MTA3: variants seen among roughly 807,000 people sequenced by gnomAD.
MTA3 encodes metastasis-associated protein MTA3.
Under a neutral mutation model 83.5 loss-of-function variants are expected in MTA3, and 34 were observed. The ratio of observed to expected loss-of-function variants is 0.41; its 90% CI spans 0.31 to 0.54. MTA3 has a LOEUF of 0.54. Ranked by LOEUF, MTA3 falls within the 20% of genes least tolerant of loss-of-function variation. The pLI, the probability that MTA3 is intolerant of heterozygous loss-of-function variation, is 0.33. For synonymous variants in MTA3, 303 were observed against 252.7 expected, an observed-to-expected ratio of 1.20 and a Z score of -1.89; for missense variants, 761 against 726.4, an observed-to-expected ratio of 1.05 and a Z score of -0.55.
chr2:42,580,390 G>A (rs542083102), intron 3 of MTA3, among the ~76,000 whole-genome samples: 34 of 150,354 alleles, frequency 2.3e-4, no homozygotes, highest in African/African-American at 8.1e-4. Context: ...TATTTATTTT[G>A]AGATTGAGTC....
In MTA3 at chr2:42,568,737, C is replaced by T; in HGVS notation, c.-9C>T. On this transcript the variant is annotated 5_prime_UTR_variant, in exon 1 of 17. Transcript: ENST00000405094. ...GCTCGGCTCGGGCTCCGCGGGCGGG[C>T]GGGCGGACATGGCGGCCAACATGTA... 8 of 1,216,172 alleles carry T rather than the reference C, an allele frequency of 6.6e-6. No homozygotes were observed. The highest frequency in any genetic ancestry group is 1.6e-5 in the African/African-American group (1 of 63,508). 75.3% of individuals were successfully genotyped at this position (1,216,172 alleles called of 1,614,324 possible). A position where few individuals can be genotyped will look rare whatever the true frequency, so the allele number is the denominator to read the frequency against.
intron 3 of MTA3, among the ~76,000 whole-genome samples, chr2:42,590,917 T>C (rs1317478144): frequency 6.6e-6 from 1 of 152,184 alleles, no homozygotes; most frequent in Non-Finnish European, 1.5e-5. Context: ...GACTGTGTGT[T>C]ATTCCACACT....
At chr2:42,711,814 G>A (rs1666646600) in intron 14 of MTA3, among the ~76,000 whole-genome samples, 1 of 151,804 alleles carries the variant, frequency 6.6e-6, no homozygotes, top group African/African-American at 2.4e-5. Flanking sequence ...GTGTGTGTGT[G>A]TTTTCCAGTA....
At chr2:42,719,524 A>G (rs1667259043) in intron 15 of MTA3, among the ~76,000 whole-genome samples, 2 of 152,162 alleles carry the variant, frequency 1.3e-5, no homozygotes, top group Non-Finnish European at 2.9e-5. Context: ...AAATAATTAT[A>G]GGTTTTAATT....
intron 16 of MTA3, among the ~76,000 whole-genome samples, chr2:42,748,106 G>T (rs1669577778): frequency 1.3e-5 from 2 of 152,010 alleles, no homozygotes; most frequent in African/African-American, 4.8e-5. Context: ...TCAGCTCTCT[G>T]CAACCTCTGC....
chr2:42,741,665 T>C (rs1204635224), intron 16 of MTA3, among the ~76,000 whole-genome samples: 1 of 151,990 alleles, frequency 6.6e-6, no homozygotes, highest in African/African-American at 2.4e-5. Flanking sequence ...ACACATAGCA[T>C]TTTTTTTATT....
At chr2:42,748,809 G>C (rs1485571627) in intron 16 of MTA3, among the ~76,000 whole-genome samples, 1 of 152,188 alleles carries the variant, frequency 6.6e-6, no homozygotes, top group Non-Finnish European at 1.5e-5. Flanking sequence ...TCAGGATTCT[G>C]TTATTTTCCT....
intron 3 of MTA3, among the ~76,000 whole-genome samples, chr2:42,580,355 A>G (rs966142404): frequency 1.3e-5 from 2 of 151,072 alleles, no homozygotes; most frequent in Admixed American, 6.6e-5. Flanking sequence ...TTATTTAATT[A>G]ATTTTATTTA....
intron 2 of MTA3, among the ~76,000 whole-genome samples, chr2:42,558,535 G>A (rs1558435010): frequency 1.3e-5 from 2 of 148,974 alleles, no homozygotes; most frequent in Admixed American, 1.3e-4. Flanking sequence ...CAGGCATGAG[G>A]CACCACACCC....
At chr2:42,512,061 A>T (rs1572901530) in intron 2 of MTA3, among the ~76,000 whole-genome samples, 1 of 151,272 alleles carries the variant, frequency 6.6e-6, no homozygotes, top group South Asian at 2.1e-4. Context: ...AAATAATTAT[A>T]ATAATATTTT....
At position 42,607,092 on chromosome 2, in the gene MTA3, AGGG is replaced by A. The variant is rs1161448592; in HGVS notation, c.191-2364_191-2362del. Among the ~76,000 whole-genome samples, 189 of 125,732 alleles carry A rather than the reference AGGG, an allele frequency of 1.5e-3. 1 individual carries two copies. The highest frequency in any genetic ancestry group is 5.5e-3 in the African/African-American group (177 of 32,422). 82.5% of individuals were successfully genotyped at this position (125,732 alleles called of 152,430 possible). On this transcript the variant is annotated intron_variant, in intron 3 of 16. Coordinates refer to ENST00000405094, the MANE Select transcript of MTA3 (RefSeq NM_001330442.2). The stretch of plus-strand genomic sequence containing the variant: ...TAGGGGTAGGGGTAGGGGTAGGGGT[AGGG>A]GTAGAGGTAGAGGTAGAGGTAGGTA...
Position 42,754,284 on chromosome 2 carries a change from C to A in MTA3, c.*885C>A. The A allele has an allele frequency of 1.0e-6, 1 of 985,464 alleles. No individual in the cohort carries two copies. Among genetic ancestry groups the A allele is most frequent in the East Asian group, 1.1e-4 (1 of 8,822 alleles). The allele number at this position is 985,464 out of a possible 1,614,324, so 61.0% of individuals were successfully genotyped here. ...CAGCAGGTCACAAATGACCTAGTTT[C>A]ATTTTAAGCAGACAGACTCTGTTTG... On this transcript the variant is annotated 3_prime_UTR_variant, in exon 17 of 17. Coordinates refer to ENST00000405094, the MANE Select transcript of MTA3 (RefSeq NM_001330442.2).
chr2:42,754,409 T>C lies in MTA3; in HGVS notation c.*1010T>C, dbSNP rs1483421497. On this transcript the variant is annotated 3_prime_UTR_variant, in exon 17 of 17. Transcript: ENST00000405094. ...TCCAGCCCAACATCTTGTGAGCACATGTGACCTAGGCCCCGGGGGACCTGC... is the reference window on the plus strand; with the variant it reads ...TCCAGCCCAACATCTTGTGAGCACACGTGACCTAGGCCCCGGGGGACCTGC... The C allele has an allele frequency of 1.0e-6, 1 of 985,312 alleles. No homozygotes were observed. Among genetic ancestry groups the C allele is most frequent in the African/African-American group, 1.7e-5 (1 of 57,212 alleles). 61.0% of individuals were successfully genotyped at this position (985,312 alleles called of 1,614,324 possible).
intron 8 of MTA3, among the ~76,000 whole-genome samples, chr2:42,678,001 C>A (rs1265561736): frequency 2.0e-5 from 3 of 152,128 alleles, no homozygotes; most frequent in Non-Finnish European, 4.4e-5. Flanking sequence ...ATTGTATGTA[C>A]AATGGAGTTG....
At chr2:42,632,093 T>TG (rs1296680888) in intron 4 of MTA3, among the ~76,000 whole-genome samples, 1 of 147,414 alleles carries the variant, frequency 6.8e-6, no homozygotes, top group African/African-American at 2.5e-5. Context: ...GCTGCTGGGT[T>TG]TTTTTTTTTT....
chr2:42,525,763 T>G (rs1675679855), intron 2 of MTA3, among the ~76,000 whole-genome samples: 1 of 151,598 alleles, frequency 6.6e-6, no homozygotes, highest in African/African-American at 2.4e-5. Flanking sequence ...GCTCAAATGA[T>G]CCTCCCACCT....
chr2:42,701,156 A>G (rs986192121), intron 11 of MTA3, among the ~76,000 whole-genome samples: 1 of 151,756 alleles, frequency 6.6e-6, no homozygotes, highest in African/African-American at 2.4e-5. Flanking sequence ...CTATTTTATA[A>G]CCAGGCATGG....
chr2:42,623,093 T>G (rs1685737453), intron 4 of MTA3, among the ~76,000 whole-genome samples: 1 of 152,118 alleles, frequency 6.6e-6, no homozygotes, highest in South Asian at 2.1e-4. Flanking sequence ...AGTTGGGTGG[T>G]ATATGGTGGG....
At chr2:42,645,704 A>G (rs1477130503) in intron 6 of MTA3, among the ~76,000 whole-genome samples, 1 of 152,130 alleles carries the variant, frequency 6.6e-6, no homozygotes, top group Non-Finnish European at 1.5e-5. Flanking sequence ...GAAGACTGAG[A>G]GGTGAGGAAG....
Sources: allele counts gnomAD v4.1 joint callset (sites outside exome capture counted in the v4.1 genomes callset), GRCh38; gene constraint gnomAD v4.1.1; transcripts MANE v1.5; gene names NCBI Gene and HGNC (gene_info 2026-07-23, HGNC 2026-07-21).